The following NDUFA10 variants were observed in gnomAD, a reference collection of about 807,000 sequenced individuals.
NDUFA10 encodes the protein NADH dehydrogenase [ubiquinone] 1 alpha subcomplex subunit 10, mitochondrial.
NDUFA10 carries 40 observed loss-of-function variants against 47.8 expected under a neutral mutation model. The ratio of observed to expected loss-of-function variants is 0.84; its 90% confidence interval spans 0.65 to 1.09. NDUFA10 has a LOEUF of 1.09. Ranked by LOEUF, NDUFA10 falls within the 50% of genes least tolerant of loss-of-function variation. The pLI, the probability that NDUFA10 is intolerant of heterozygous loss-of-function variation, is 0.00. For missense variants in NDUFA10, 413 were observed against 451.1 expected (o/e 0.92, Z 0.76); for synonymous variants, 183 against 172.2 (o/e 1.06, Z -0.49).
At chr2:239,986,680 C>T (rs973963146) in intron 9 of NDUFA10, among the ~76,000 whole-genome samples, 2 of 152,046 alleles carry the variant, frequency 1.3e-5, no homozygotes, top group African/African-American at 2.4e-5. Context: ...ACAGAAAGAA[C>T]GATAGAAACA....
At chr2:239,984,137 G>A (rs1311519387) in intron 9 of NDUFA10, among the ~76,000 whole-genome samples, 3 of 151,882 alleles carry the variant, frequency 2.0e-5, no homozygotes, top group African/African-American at 4.8e-5. Context: ...GGAGGCTGAG[G>A]CACAAGAATC....
At chr2:239,939,030 C>T (rs1211148337) in intron 4 of NDUFA10, among the ~76,000 whole-genome samples, 1 of 152,224 alleles carries the variant, frequency 6.6e-6, no homozygotes, top group African/African-American at 2.4e-5. Context: ...GGCGGAAAGA[C>T]GCTGCCTCAG....
In NDUFA10 at chr2:239,960,427, T is replaced by G; in HGVS notation, c.*691A>C. On this transcript the variant is annotated 3_prime_UTR_variant, in exon 10 of 10. Coordinates refer to ENST00000252711, the MANE Select transcript of NDUFA10 (RefSeq NM_004544.4). Reference sequence around the variant, plus strand: ...ATCTTATGTCATCAACAGCCTAAGCTCAAATCTCCCTTCAAAGGAGTTTGA... The same window carrying G: ...ATCTTATGTCATCAACAGCCTAAGCGCAAATCTCCCTTCAAAGGAGTTTGA... The G allele has an allele frequency of 4.1e-6, 4 of 987,598 alleles. No individual in the cohort carries two copies. Among genetic ancestry groups the G allele is most frequent in the Non-Finnish European group, 4.8e-6 (4 of 831,300 alleles). 61.2% of individuals were successfully genotyped at this position (987,598 alleles called of 1,614,324 possible).
At chr2:239,937,922 T>C (rs1694291575) in intron 4 of NDUFA10, among the ~76,000 whole-genome samples, 1 of 152,198 alleles carries the variant, frequency 6.6e-6, no homozygotes, top group Non-Finnish European at 1.5e-5. Flanking sequence ...TCATGACTGC[T>C]CACAGCACCC....
At chr2:239,999,346 T>G (rs1375661241) in intron 8 of NDUFA10, among the ~76,000 whole-genome samples, 2 of 152,264 alleles carry the variant, frequency 1.3e-5, no homozygotes, top group Non-Finnish European at 2.9e-5. Flanking sequence ...CCTTTAGATC[T>G]CCTCTCTACC....
intron 4 of NDUFA10, among the ~76,000 whole-genome samples, chr2:239,918,047 G>A (rs1358720556): frequency 6.6e-6 from 1 of 152,192 alleles, no homozygotes; most frequent in Admixed American, 6.5e-5. Context: ...GGCCTGGGCT[G>A]TCCAGGTGGG....
At chr2:239,984,692 A>G (rs1321718051) in intron 9 of NDUFA10, among the ~76,000 whole-genome samples, 1 of 152,246 alleles carries the variant, frequency 6.6e-6, no homozygotes, top group Non-Finnish European at 1.5e-5. Context: ...AAAGAATTCT[A>G]CAAAGGCAAC....
chr2:239,918,799 C>T (rs11891353), intron 4 of NDUFA10, among the ~76,000 whole-genome samples: 6,972 of 152,144 alleles, frequency 0.046, 533 homozygotes, highest in African/African-American at 0.16. Context: ...CCCGTGTCCT[C>T]GCTCTCCACG....
At chr2:239,977,443 G>A (rs1377259137) in intron 9 of NDUFA10, among the ~76,000 whole-genome samples, 1 of 152,216 alleles carries the variant, frequency 6.6e-6, no homozygotes, top group Non-Finnish European at 1.5e-5. Context: ...AGGCTTCCCA[G>A]ACACCTAGAA....
rs1253235424 is a variant in NDUFA10 at position 239,906,835 on chromosome 2, A to G, written c.295-11521T>C. Among the ~76,000 whole-genome samples, 1 of 152,244 alleles carries G rather than the reference A, an allele frequency of 6.6e-6. No individual in the cohort carries two copies. The highest frequency in any genetic ancestry group is 1.5e-5 in the Non-Finnish European group (1 of 68,046). On this transcript the variant is annotated intron_variant, in intron 4 of 5. Coordinates refer to the NDUFA10 transcript ENST00000419408. This position sits in a 1 kb window ranked among gnomAD's most constrained non-coding sequence, Gnocchi z 4.3. ...TATTGTGAAAATGGCCATACTGCAC[A>G]AGGTAATTTATAGATTCAATGCCAT...
chr2:239,982,975 A>G (rs1695839674), intron 9 of NDUFA10, among the ~76,000 whole-genome samples: 1 of 152,134 alleles, frequency 6.6e-6, no homozygotes. Context: ...AAAACCCTCC[A>G]TCTCCTCCTA....
chr2:240,025,164 T>TGGCCC lies in NDUFA10; in HGVS notation c.75+62_75+63insGGGCC. On this transcript the variant is annotated intron_variant, in intron 1 of 9. Coordinates refer to ENST00000252711, the MANE Select transcript of NDUFA10 (RefSeq NM_004544.4). ...GAGGCCGGGGGAGATGTGGAACTGC[T>TGGCCC]CCCCACCCCGCCACCCCGCCACCCT... 4.7e-5 allele frequency: 28 copies of TGGCCC among 594,894 alleles called. 1 individual carries two copies. Among genetic ancestry groups the TGGCCC allele is most frequent in the Middle Eastern group, 4.5e-4 (1 of 2,200 alleles). 36.9% of individuals were successfully genotyped at this position (594,894 alleles called of 1,614,324 possible). A position where few individuals can be genotyped will look rare whatever the true frequency, so the allele number is the denominator to read the frequency against.
intron 4 of NDUFA10, among the ~76,000 whole-genome samples, chr2:239,922,465 TAC>T (rs1041741363): frequency 1.4e-4 from 22 of 152,172 alleles, no homozygotes; most frequent in African/African-American, 5.1e-4. Flanking sequence ...CCATGACAGG[TAC>T]ACAGAGACAG....
At position 240,014,739 on chromosome 2, in the gene NDUFA10, A is replaced by G; in HGVS notation, c.669T>C (p.Asp223=). The change falls in exon 5 of 10, where the codon GAT becomes GAC. Residue 223 remains aspartate (D), a splice_region_variant and synonymous_variant. Transcript: ENST00000252711. The part of the protein sequence containing the change: ...EVQRRIQKKG[D]PHEMKITSAY... ...GGCCTTTGATTGAAAACTGCATTAC[A>G]TCTCCTTTCTTCTGAATCCGCCTCT... is the stretch of plus-strand genomic sequence containing the variant. 1 of 1,614,102 alleles carries G rather than the reference A, an allele frequency of 6.2e-7. No individual in the cohort carries two copies. Among genetic ancestry groups the G allele is most frequent in the African/African-American group, 1.3e-5 (1 of 75,032 alleles).
chr2:239,901,479 T>G (rs1017056022), intron 4 of NDUFA10, among the ~76,000 whole-genome samples: 2 of 151,636 alleles, frequency 1.3e-5, no homozygotes, highest in Non-Finnish European at 2.9e-5. Flanking sequence ...AAAAAAAGAT[T>G]CCCCTGAAAA....
intron 1 of NDUFA10, 62 bp downstream of exon 1, chr2:240,025,165 C>A: frequency 8.9e-6 from 5 of 559,862 alleles, no homozygotes; most frequent in Non-Finnish European, 1.2e-5. Flanking sequence ...TGGAACTGCT[C>A]CCCACCCCGC....
chr2:239,896,562 A>G (rs1423767532), intron 4 of NDUFA10, among the ~76,000 whole-genome samples: 1 of 152,226 alleles, frequency 6.6e-6, no homozygotes, highest in Non-Finnish European at 1.5e-5. Flanking sequence ...AAGAGGCTGA[A>G]ACAGGTTCCA....
intron 8 of NDUFA10, among the ~76,000 whole-genome samples, chr2:239,993,413 G>A (rs181195657): frequency 9.9e-5 from 15 of 152,280 alleles, no homozygotes; most frequent in Non-Finnish European, 1.3e-4. Flanking sequence ...GGGTGATTAC[G>A]TCCAAGCTTT....
At chr2:239,922,824 G>A (rs1182640612) in intron 4 of NDUFA10, among the ~76,000 whole-genome samples, 1 of 152,226 alleles carries the variant, frequency 6.6e-6, no homozygotes, top group Non-Finnish European at 1.5e-5. Flanking sequence ...TCACAGGTGT[G>A]CAGTGTGCCA....
Sources: gnomAD v4.1 joint callset for allele counts (sites outside exome capture counted in the v4.1 genomes callset) on GRCh38, gnomAD v4.1.1 for gene constraint, Gnocchi (gnomAD v3.1) non-coding constraint, MANE v1.5 for transcripts, NCBI Gene and HGNC (gene_info 2026-07-23, HGNC 2026-07-21) for gene names.